The following HDAC9 variants were observed in gnomAD, a reference collection of about 807,000 sequenced individuals.
HDAC9 encodes histone deacetylase 9.
HDAC9 carries 41 observed loss-of-function variants against 139.4 expected under a neutral mutation model. The ratio of observed to expected loss-of-function variants is 0.29; its 90% CI spans 0.23 to 0.38. The LOEUF (loss-of-function observed/expected upper bound fraction) is 0.38, where lower values mean the gene tolerates loss of function less well. HDAC9 is among the 10% of genes least tolerant of loss of function. The pLI, the probability that HDAC9 is intolerant of heterozygous loss-of-function variation, is 1.00. For missense variants in HDAC9, 1,147 were observed against 1,297.0 expected (o/e 0.88, Z 1.78); for synonymous variants, 517 against 476.2 (o/e 1.09, Z -1.12).
intron 6 of HDAC9, among the ~76,000 whole-genome samples, chr7:18,598,169 A>G (rs1832981103): frequency 6.6e-6 from 1 of 152,134 alleles, no homozygotes. Flanking sequence ...TTCAGAATAC[A>G]CTTGTGCATG....
At chr7:18,121,227 C>G (rs1391577300) in intron 1 of HDAC9, among the ~76,000 whole-genome samples, 4 of 152,256 alleles carry the variant, frequency 2.6e-5, no homozygotes, top group South Asian at 2.1e-4. Flanking sequence ...ACTCCCTCCT[C>G]TAGAATATTA....
At chr7:18,792,628 C>A (rs146706850) in intron 16 of HDAC9, among the ~76,000 whole-genome samples, 3 of 152,094 alleles carry the variant, frequency 2.0e-5, no homozygotes, top group African/African-American at 7.2e-5. Flanking sequence ...AGATAAGCAA[C>A]CATCTATTTT....
At chr7:18,487,791 T>C (rs1456562715) in intron 1 of HDAC9, among the ~76,000 whole-genome samples, 5 of 152,172 alleles carry the variant, frequency 3.3e-5, no homozygotes, top group Non-Finnish European at 7.4e-5. Flanking sequence ...TTGATTTAAA[T>C]TGGTTATAGA....
Position 18,664,254 on chromosome 7 carries a change from C to CT in HDAC9, c.1468-1957dup, listed in dbSNP as rs1174236120. Reference sequence around the variant, plus strand: ...AAACCATGAGTAAATGAATGTCCTCCTTCTCCCGACTGCCCAGTAACAATG... The same window carrying CT: ...AAACCATGAGTAAATGAATGTCCTCCTTTCTCCCGACTGCCCAGTAACAATG... On this transcript the variant is annotated intron_variant, in intron 11 of 25. Transcript: ENST00000686413. 2.0e-5 allele frequency among the ~76,000 whole-genome samples: 3 copies of CT among 152,136 alleles called. No homozygotes were observed. The East Asian group carries it at 5.8e-4, about 29-fold the overall frequency.
At chr7:18,632,774 C>G (rs1782726730) in intron 7 of HDAC9, among the ~76,000 whole-genome samples, 1 of 151,932 alleles carries the variant, frequency 6.6e-6, no homozygotes, top group Non-Finnish European at 1.5e-5. Context: ...CAGACTTTTG[C>G]TATAGTTCTT....
Position 18,996,607 on chromosome 7 carries a change from T to C in HDAC9, c.*545T>C, listed in dbSNP as rs35409100. 6,374 of 152,866 alleles carry C rather than the reference T, an allele frequency of 0.042. 456 individuals carry two copies. Among genetic ancestry groups the C allele is most frequent in the African/African-American group, 0.14 (6,010 of 41,456 alleles). The allele number at this position is 152,866 out of a possible 1,614,324, so 9.5% of individuals were successfully genotyped here. On this transcript the variant is annotated 3_prime_UTR_variant, in exon 26 of 26. Coordinates refer to ENST00000686413, the MANE Select transcript of HDAC9 (RefSeq NM_178425.4). Reference sequence around the variant, plus strand: ...TTGTTTTGTTTTGTTAGGGTTTTTTTCTCAACTTTAACACACAGTTCAACT... The same window carrying C: ...TTGTTTTGTTTTGTTAGGGTTTTTTCCTCAACTTTAACACACAGTTCAACT...
At chr7:18,741,101 T>A (rs917667743) in intron 13 of HDAC9, among the ~76,000 whole-genome samples, 2 of 152,200 alleles carry the variant, frequency 1.3e-5, no homozygotes, top group African/African-American at 2.4e-5. Context: ...CAAGTGTTGA[T>A]GTAGAAGCTA....
rs576082791 is a variant in HDAC9, at chr7:18,690,686, A to G, written c.1731+24210A>G. ...ACACATTGTGCATGAATTTATTCAT[A>G]GAAAAGAGAAGTCTAATTATTTTGA... On this transcript the variant is annotated intron_variant, in intron 12 of 25. Coordinates refer to ENST00000686413, the MANE Select transcript of HDAC9 (RefSeq NM_178425.4). 8.3e-4 allele frequency among the ~76,000 whole-genome samples: 127 copies of G among 152,160 alleles called. No homozygotes were observed. The Middle Eastern group carries it at 0.017, about 20-fold the overall frequency.
chr7:18,197,881 T>G (rs1790837212), intron 2 of HDAC9, among the ~76,000 whole-genome samples: 1 of 152,210 alleles, frequency 6.6e-6, no homozygotes, highest in African/African-American at 2.4e-5. Context: ...TGCTGTAATC[T>G]TGACTTTGCA....
chr7:18,743,512 T>G (rs1213308896), intron 13 of HDAC9, among the ~76,000 whole-genome samples: 1 of 152,018 alleles, frequency 6.6e-6, no homozygotes. Context: ...TTACACTGTT[T>G]GGTACTTTGA....
chr7:18,973,165 C>T (rs1041364744), intron 24 of HDAC9, among the ~76,000 whole-genome samples: 5 of 152,110 alleles, frequency 3.3e-5, no homozygotes, highest in African/African-American at 9.7e-5. Context: ...AATAAAATTA[C>T]AAATTATAAA....
intron 1 of HDAC9, among the ~76,000 whole-genome samples, chr7:18,370,576 T>C (rs1259572137): frequency 1.3e-5 from 2 of 152,194 alleles, no homozygotes; most frequent in Non-Finnish European, 1.5e-5. Flanking sequence ...TTTTATAATA[T>C]TAGTCTGTAA....
At chr7:18,675,130 C>T (rs1192397994) in intron 12 of HDAC9, among the ~76,000 whole-genome samples, 1 of 151,986 alleles carries the variant, frequency 6.6e-6, no homozygotes, top group Non-Finnish European at 1.5e-5. Context: ...GAATCAGCCT[C>T]CTCCTTGTGC....
chr7:18,232,776 G>A (rs1252387456), intron 2 of HDAC9, among the ~76,000 whole-genome samples: 2 of 152,192 alleles, frequency 1.3e-5, no homozygotes, highest in Non-Finnish European at 1.5e-5. Flanking sequence ...GTAGAGCCAG[G>A]TTGAGTTACT....
chr7:18,234,344 G>C (rs1455852662), intron 2 of HDAC9, among the ~76,000 whole-genome samples: 1 of 152,186 alleles, frequency 6.6e-6, no homozygotes, highest in African/African-American at 2.4e-5. Flanking sequence ...ATGTAGAAGA[G>C]AGAATAAGTG....
intron 17 of HDAC9, among the ~76,000 whole-genome samples, chr7:18,806,511 C>T (rs1793724347): frequency 6.6e-6 from 1 of 152,142 alleles, no homozygotes; most frequent in Middle Eastern, 3.2e-3. Context: ...ATGGAATCCT[C>T]ATGTTGTCAT....
chr7:18,820,724 C>A (rs2588635), intron 17 of HDAC9, among the ~76,000 whole-genome samples: 71,630 of 151,924 alleles, frequency 0.47, 18,499 homozygotes, highest in African/African-American at 0.68. Flanking sequence ...AATCTAGCAG[C>A]TAAAATGGTG....
intron 17 of HDAC9, among the ~76,000 whole-genome samples, chr7:18,828,796 G>C (rs1795647423): frequency 6.6e-6 from 1 of 152,150 alleles, no homozygotes; most frequent in African/African-American, 2.4e-5. Flanking sequence ...CCTGCACCAA[G>C]AGTGAATTTC....
At chr7:18,315,008 TG>T (rs1799545777) in intron 1 of HDAC9, among the ~76,000 whole-genome samples, 1 of 152,136 alleles carries the variant, frequency 6.6e-6, no homozygotes, top group African/African-American at 2.4e-5. Flanking sequence ...TGAAAAACCT[TG>T]GCAAGAGTAC....
Sources: allele counts gnomAD v4.1 joint callset (sites outside exome capture counted in the v4.1 genomes callset), GRCh38; gene constraint gnomAD v4.1.1; transcripts MANE v1.5; gene names NCBI Gene and HGNC (gene_info 2026-07-23, HGNC 2026-07-21).